The following CACNG3 variants were observed in gnomAD, a reference collection of about 807,000 sequenced individuals.
CACNG3 encodes voltage-dependent calcium channel gamma-3 subunit.
Under a neutral mutation model 28.5 loss-of-function variants are expected in CACNG3, and 3 were observed. The ratio of observed to expected loss-of-function variants is 0.11; its 90% CI spans 0.05 to 0.27. The LOEUF (loss-of-function observed/expected upper bound fraction) is 0.27. Among genes scored for constraint, CACNG3 ranks in the 10% least tolerant of loss-of-function variants. The pLI, the probability that CACNG3 is intolerant of heterozygous loss-of-function variation, is 1.00. For synonymous variants in CACNG3, 174 were observed against 162.2 expected, an observed-to-expected ratio of 1.07 and a Z score of -0.55; for missense variants, 236 against 414.4, an observed-to-expected ratio of 0.57 and a Z score of 3.74.
At chr16:24,281,252 G>A (rs557521238) in intron 1 of CACNG3, among the ~76,000 whole-genome samples, 33 of 152,246 alleles carry the variant, frequency 2.2e-4, no homozygotes, top group African/African-American at 5.8e-4. Context: ...CTGGAGTGCC[G>A]TAGTAGAATC....
At chr16:24,282,109 C>T (rs1369829532) in intron 1 of CACNG3, among the ~76,000 whole-genome samples, 1 of 152,208 alleles carries the variant, frequency 6.6e-6, no homozygotes, top group Non-Finnish European at 1.5e-5. Flanking sequence ...GGCTTTCAAA[C>T]ATGACTTTAT....
intron 1 of CACNG3, among the ~76,000 whole-genome samples, chr16:24,287,076 G>A (rs1041900906): frequency 3.3e-5 from 5 of 152,208 alleles, no homozygotes; most frequent in South Asian, 2.1e-4. Context: ...AAACAACTCA[G>A]AAGCTAGCTT....
At chr16:24,299,328 T>C (rs1179164537) in intron 1 of CACNG3, among the ~76,000 whole-genome samples, 1 of 152,228 alleles carries the variant, frequency 6.6e-6, no homozygotes, top group Non-Finnish European at 1.5e-5. Context: ...CCTTCGGCAC[T>C]GGGAATGCTT....
At chr16:24,294,840 G>A (rs1379863336) in intron 1 of CACNG3, among the ~76,000 whole-genome samples, 1 of 152,198 alleles carries the variant, frequency 6.6e-6, no homozygotes, top group Non-Finnish European at 1.5e-5. Flanking sequence ...TTTGGCCTGC[G>A]TATTTCATAG....
intron 3 of CACNG3, among the ~76,000 whole-genome samples, chr16:24,357,976 C>A (rs865944332): frequency 1.3e-5 from 2 of 152,182 alleles, no homozygotes; most frequent in South Asian, 4.1e-4. Flanking sequence ...GGAAGCCTGA[C>A]GGGAAGGCAG....
At chr16:24,310,180 CTG>C (rs1899241455) in intron 1 of CACNG3, among the ~76,000 whole-genome samples, 1 of 145,136 alleles carries the variant, frequency 6.9e-6, no homozygotes, top group Non-Finnish European at 1.5e-5. Context: ...TTAACAGACT[CTG>C]TGGACAAATT....
intron 1 of CACNG3, among the ~76,000 whole-genome samples, chr16:24,278,783 G>A (rs1898784006): frequency 6.6e-6 from 1 of 152,086 alleles, no homozygotes; most frequent in Non-Finnish European, 1.5e-5. Context: ...TAAGTAACTG[G>A]CCCAAGGTCA....
Position 24,354,900 on chromosome 16 carries a change from C to T in CACNG3, c.363C>T (p.Cys121=), listed in dbSNP as rs559474382. 26 of 1,612,360 alleles carry T rather than the reference C, an allele frequency of 1.6e-5. No homozygotes were observed. The highest frequency in any genetic ancestry group is 1.3e-4 in the South Asian group (12 of 90,996). Reference sequence around the variant, plus strand: ...CGCTGCTGTTCTTCGGCGGGCTCTGCGTGGCAGCCAGTGAGTTCCACCGCA... The same window carrying T: ...CGCTGCTGTTCTTCGGCGGGCTCTGTGTGGCAGCCAGTGAGTTCCACCGCA... The part of the protein sequence containing the change: ...SVTLLFFGGL[C]VAASEFHRSR... The change falls in exon 3 of 4, where the codon TGC becomes TGT. Residue 121 remains cysteine, a synonymous_variant. Transcript: ENST00000005284.
At chr16:24,282,639 G>A (rs1037003536) in intron 1 of CACNG3, among the ~76,000 whole-genome samples, 1 of 152,046 alleles carries the variant, frequency 6.6e-6, no homozygotes, top group Non-Finnish European at 1.5e-5. Context: ...TGGACACAAA[G>A]TTGCTCTCAA....
intron 1 of CACNG3, among the ~76,000 whole-genome samples, chr16:24,341,317 T>C (rs985378245): frequency 1.3e-5 from 2 of 152,254 alleles, no homozygotes; most frequent in Non-Finnish European, 1.5e-5. Flanking sequence ...TCATTTTCAG[T>C]GTGGAGTCTT....
At chr16:24,264,896 A>G (rs181250665) in intron 1 of CACNG3, among the ~76,000 whole-genome samples, 3 of 152,360 alleles carry the variant, frequency 2.0e-5, no homozygotes, top group Admixed American at 2.0e-4. Context: ...ATTGAGACAC[A>G]TCAATAAACA....
intron 3 of CACNG3, among the ~76,000 whole-genome samples, chr16:24,355,372 G>C (rs1596653878): frequency 4.2e-5 from 1 of 23,944 alleles, no homozygotes; most frequent in Admixed American, 3.3e-4. Flanking sequence ...CCAGGAGTTC[G>C]AGACCAGCTG....
chr16:24,300,672 C>A (rs2141359868), intron 1 of CACNG3, among the ~76,000 whole-genome samples: 1 of 151,588 alleles, frequency 6.6e-6, no homozygotes, highest in South Asian at 2.1e-4. Flanking sequence ...CCCGTAATCC[C>A]AGCACTTTGG....
At chr16:24,287,378 C>A (rs898583910) in intron 1 of CACNG3, among the ~76,000 whole-genome samples, 1 of 151,710 alleles carries the variant, frequency 6.6e-6, no homozygotes, top group African/African-American at 2.4e-5. Context: ...ATTAGCTGGG[C>A]CTGGTGGCAC....
At chr16:24,277,843 T>A (rs1898773400) in intron 1 of CACNG3, among the ~76,000 whole-genome samples, 1 of 150,746 alleles carries the variant, frequency 6.6e-6, no homozygotes, top group East Asian at 1.9e-4. Context: ...AGCAATAGGA[T>A]CTAAATTGAT....
intron 3 of CACNG3, among the ~76,000 whole-genome samples, chr16:24,356,688 C>A (rs547252603): frequency 6.6e-6 from 1 of 151,892 alleles, no homozygotes; most frequent in African/African-American, 2.4e-5. Flanking sequence ...GGTGACAGAG[C>A]AAGACCCTGT....
intron 2 of CACNG3, among the ~76,000 whole-genome samples, chr16:24,351,628 AAG>A (rs1899942800): frequency 1.0e-5 from 1 of 100,166 alleles, no homozygotes; most frequent in African/African-American, 4.3e-5. Context: ...GAAGGAGGGG[AAG>A]GGGAAGGGGA....
chr16:24,263,158 T>C (rs1362009278), intron 1 of CACNG3, among the ~76,000 whole-genome samples: 1 of 152,236 alleles, frequency 6.6e-6, no homozygotes, highest in Non-Finnish European at 1.5e-5. Flanking sequence ...TAGATGTGCA[T>C]GTGATTTTCA....
chr16:24,289,385 A>G (rs2141354805), intron 1 of CACNG3, among the ~76,000 whole-genome samples: 1 of 152,264 alleles, frequency 6.6e-6, no homozygotes, highest in Non-Finnish European at 1.5e-5. Context: ...TTTAAACTCT[A>G]AAAAAAGCAC....
Sources: gnomAD v4.1 joint callset for allele counts (sites outside exome capture counted in the v4.1 genomes callset) on GRCh38, gnomAD v4.1.1 for gene constraint, MANE v1.5 for transcripts, NCBI Gene and HGNC (gene_info 2026-07-23, HGNC 2026-07-21) for gene names.